Variants in BAAT observed in about 807,000 individuals in gnomAD.
BAAT encodes bile acid-CoA:amino acid N-acyltransferase, also known as bile acid CoA: amino acid N-acyltransferase (glycine N-choloyltransferase).
In BAAT, 13 loss-of-function variants were observed where a neutral mutation model predicts 18.9. The ratio of observed to expected loss-of-function variants is 0.69; its 90% CI spans 0.45 to 1.10. The LOEUF (loss-of-function observed/expected upper bound fraction) is 1.10. BAAT is among the 50% of genes least tolerant of loss of function. The probability of loss-of-function intolerance (pLI) is 0.00; values close to 1 mark genes in which losing one functional copy is unlikely to be tolerated. For synonymous variants in BAAT, 170 were observed against 190.7 expected (o/e 0.89, Z 0.89); for missense variants, 489 against 504.0 (o/e 0.97, Z 0.28).
intron 2 of BAAT, among the ~76,000 whole-genome samples, chr9:101,370,590 A>G (rs1248267944): frequency 2.0e-5 from 3 of 152,082 alleles, no homozygotes; most frequent in East Asian, 3.9e-4. Flanking sequence ...AAAATTTAGC[A>G]TAAATCCAAA....
chr9:101,367,992 G>A, intron 3 of BAAT, 128 bp downstream of exon 3: 1 of 974,918 alleles, frequency 1.0e-6, no homozygotes, highest in Non-Finnish European at 1.6e-6. Context: ...CTGGCTTCTG[G>A]CCAAGTGTCA....
In BAAT at chr9:101,380,229, G is replaced by A. The variant is rs185825165; in HGVS notation, c.-60+4626C>T. ...ATTTCTGCCTTATCTACTATCTCTT[G>A]TATAAGAGCACCTACCATAAATCCT... On this transcript the variant is annotated intron_variant, in intron 1 of 3. Coordinates refer to ENST00000259407, the MANE Select transcript of BAAT (RefSeq NM_001701.4). Among the ~76,000 whole-genome samples, 152 of 152,236 alleles carry A rather than the reference G, an allele frequency of 1.0e-3. 1 individual carries two copies. The highest frequency in any genetic ancestry group is 1.9e-3 in the Non-Finnish European group (131 of 68,014).
In BAAT at chr9:101,361,723, C is replaced by G. The variant is rs1192837777; in HGVS notation, c.*705G>C. 1 of 152,500 alleles carries G rather than the reference C, an allele frequency of 6.6e-6. No individual in the cohort carries two copies. Among genetic ancestry groups the G allele is most frequent in the African/African-American group, 2.4e-5 (1 of 41,406 alleles). The allele number at this position is 152,500 out of a possible 1,614,324, so 9.4% of individuals were successfully genotyped here. A position where few individuals can be genotyped will look rare whatever the true frequency, so the allele number is the denominator to read the frequency against. On this transcript the variant is annotated 3_prime_UTR_variant, in exon 4 of 4. Transcript: ENST00000259407. The stretch of plus-strand genomic sequence containing the variant: ...ACTTTTATTAATTTTATTTTTAATA[C>G]AGATTTTCAGTAAGGGGCATTTTCA...
intron 3 of BAAT, among the ~76,000 whole-genome samples, chr9:101,364,750 G>GT (rs1384723172): frequency 1.3e-5 from 2 of 152,164 alleles, no homozygotes; most frequent in African/African-American, 4.8e-5. Flanking sequence ...AGCATCTTCA[G>GT]TTTTTTTCCT....
rs1445972722 is a variant in BAAT at position 101,362,517 on chromosome 9, G to C, written c.1168C>G (p.Pro390Ala). The C allele has an allele frequency of 6.2e-7, 1 of 1,614,070 alleles. No individual in the cohort carries two copies. Among genetic ancestry groups the C allele is most frequent in the South Asian group, 1.1e-5 (1 of 91,066 alleles). Residue 390 changes from proline (P) to alanine (A), a missense_variant, in exon 4 of 4, where the codon CCA becomes GCA. Transcript: ENST00000259407. Reference sequence around the variant, plus strand: ...GCATGTTCCTGTGCAGCTGCGTGTGGGATCACCTCTCCTCCCCAGTGTAAC... The same window carrying C: ...GCATGTTCCTGTGCAGCTGCGTGTGCGATCACCTCTCCTCCCCAGTGTAAC... ...LRLHWGGEVI[P>A]HAAAQEHAWK...
intron 3 of BAAT, among the ~76,000 whole-genome samples, chr9:101,367,485 A>T (rs1829850228): frequency 1.3e-5 from 2 of 149,192 alleles, no homozygotes; most frequent in Admixed American, 6.7e-5. Context: ...TATGATAAGC[A>T]TTTTGCATGC....
At position 101,383,153 on chromosome 9, in the gene BAAT, T is replaced by C. The variant is rs577744858; in HGVS notation, c.-60+1702A>G. ...ATTGATGGGGATGGGGAAGACAGAA[T>C]AAAGAAATTTTAACAAATGACTTCT... is the stretch of plus-strand genomic sequence containing the variant. On this transcript the variant is annotated intron_variant, in intron 1 of 3. Coordinates refer to ENST00000259407, the MANE Select transcript of BAAT (RefSeq NM_001701.4). Among the ~76,000 whole-genome samples, 3 of 152,256 alleles carry C rather than the reference T, an allele frequency of 2.0e-5. No homozygotes were observed. The East Asian group carries it at 5.8e-4, about 29-fold the overall frequency.
chr9:101,366,765 GCTTAT>G (rs146368325), intron 3 of BAAT, among the ~76,000 whole-genome samples: 10,598 of 151,830 alleles, frequency 0.07, 482 homozygotes, highest in South Asian at 0.15. Flanking sequence ...AGTAATTGTT[GCTTAT>G]CTTATTTCTG....
intron 1 of BAAT, chr9:101,383,624 A>G (rs2119043333): frequency 6.6e-6 from 1 of 152,298 alleles, no homozygotes; most frequent in East Asian, 1.9e-4. Flanking sequence ...CTCTTGCTCT[A>G]GTTTCCTATT....
chr9:101,369,281 A>G (rs1431716059), intron 2 of BAAT, among the ~76,000 whole-genome samples: 1 of 151,608 alleles, frequency 6.6e-6, no homozygotes, highest in African/African-American at 2.4e-5. Context: ...ATTAAGTACA[A>G]TGAATAAATA....
At chr9:101,378,784 G>A (rs1170049037) in intron 1 of BAAT, among the ~76,000 whole-genome samples, 2 of 152,126 alleles carry the variant, frequency 1.3e-5, no homozygotes, top group Non-Finnish European at 2.9e-5. Flanking sequence ...TCATCAGAGT[G>A]AACAGGCAAC....
chr9:101,380,449 T>A (rs1160502198), intron 1 of BAAT, among the ~76,000 whole-genome samples: 1 of 152,150 alleles, frequency 6.6e-6, no homozygotes, highest in African/African-American at 2.4e-5. Context: ...TTGTTCAGTG[T>A]CTCAGCTCCC....
In BAAT at chr9:101,384,362, G is replaced by C. The variant is rs372238641; in HGVS notation, c.-60+493C>G. ...CAATAGGACACAATCATAAGCTTAT[G>C]GGAAAAGGCTTAATCTCATTATCAA... On this transcript the variant is annotated intron_variant, in intron 1 of 3. Coordinates refer to ENST00000259407, the MANE Select transcript of BAAT (RefSeq NM_001701.4). Among the ~76,000 whole-genome samples, 4 of 152,228 alleles carry C rather than the reference G, an allele frequency of 2.6e-5. No individual in the cohort carries two copies. In the South Asian group the frequency reaches 6.2e-4, roughly 24 times the overall value.
chr9:101,368,715 G>T (rs991324914), intron 2 of BAAT, among the ~76,000 whole-genome samples: 1 of 151,964 alleles, frequency 6.6e-6, no homozygotes, highest in African/African-American at 2.4e-5. Context: ...TATAAATTAG[G>T]CCAGGGCTTC....
In BAAT at chr9:101,370,937, AC is replaced by A; in HGVS notation, c.466+1del. The A allele has an allele frequency of 3.1e-6, 5 of 1,613,908 alleles. No individual in the cohort carries two copies. Among genetic ancestry groups the A allele is most frequent in the Non-Finnish European group, 4.2e-6 (5 of 1,179,818 alleles). On this transcript the variant is annotated splice_donor_variant, in intron 2 of 3. Coordinates refer to ENST00000259407, the MANE Select transcript of BAAT (RefSeq NM_001701.4). LOFTEE classifies it high-confidence loss of function. ...AACAATAAGCAGAGTAATTCTACTC[AC>A]CTGGAGGGAGAAAGAGAGCTCCTCG...
At chr9:101,370,910 A>G (rs1352983370) in intron 2 of BAAT, 29 bp downstream of exon 2, 1 of 1,607,010 alleles carries the variant, frequency 6.2e-7, no homozygotes, top group Middle Eastern at 1.7e-4. Context: ...AAAAACAAGA[A>G]TAACAATAAG....
intron 3 of BAAT, among the ~76,000 whole-genome samples, chr9:101,366,907 T>G (rs1277044550): frequency 6.7e-6 from 1 of 150,374 alleles, no homozygotes; most frequent in Non-Finnish European, 1.5e-5. Flanking sequence ...AGGTCAGGAG[T>G]TGGAGACCAG....
intron 1 of BAAT, among the ~76,000 whole-genome samples, chr9:101,374,320 C>T (rs1830003399): frequency 6.6e-6 from 1 of 152,118 alleles, no homozygotes; most frequent in African/African-American, 2.4e-5. Flanking sequence ...ATCAGATTAA[C>T]TTTGTAAATA....
At chr9:101,373,631 A>G (rs546442199) in intron 1 of BAAT, among the ~76,000 whole-genome samples, 2 of 152,372 alleles carry the variant, frequency 1.3e-5, no homozygotes, top group East Asian at 3.9e-4. Flanking sequence ...ACTATCACCT[A>G]CTTGGATGTT....
Sources: gnomAD v4.1 joint callset for allele counts (sites outside exome capture counted in the v4.1 genomes callset) on GRCh38, gnomAD v4.1.1 for gene constraint, MANE v1.5 for transcripts, NCBI Gene and HGNC (gene_info 2026-07-23, HGNC 2026-07-21) for gene names.